Variants in ZFYVE9 observed in about 807,000 individuals in gnomAD.
ZFYVE9 encodes zinc finger FYVE-type containing 9, also known as zinc finger FYVE domain-containing protein 9.
In ZFYVE9, 43 loss-of-function variants were observed where a neutral mutation model predicts 126.7. The ratio of observed to expected loss-of-function variants is 0.34; its 90% CI spans 0.27 to 0.44. The LOEUF (loss-of-function observed/expected upper bound fraction) is 0.44, where lower values mean the gene tolerates loss of function less well. ZFYVE9 is among the 20% of genes least tolerant of loss of function. ZFYVE9 has a pLI of 1.00. For missense variants in ZFYVE9, 1,476 were observed against 1,697.0 expected, an observed-to-expected ratio of 0.87 and a Z score of 2.29; for synonymous variants, 521 against 597.4, an observed-to-expected ratio of 0.87 and a Z score of 1.87.
intron 3 of ZFYVE9, among the ~76,000 whole-genome samples, chr1:52,235,630 C>T: frequency 6.6e-6 from 1 of 152,146 alleles, no homozygotes; most frequent in East Asian, 1.9e-4. Flanking sequence ...CAACTTTTCA[C>T]TACTTCTTTA....
rs138314120 is a variant in ZFYVE9, at chr1:52,215,453, A to G, written c.-142-916A>G. ...CTTATTCTCTTATTTTTTATTAAGCATATCATTTTCACATCTGATAATAGA... is the reference window on the plus strand; with the variant it reads ...CTTATTCTCTTATTTTTTATTAAGCGTATCATTTTCACATCTGATAATAGA... On this transcript the variant is annotated intron_variant, in intron 1 of 18. Coordinates refer to ENST00000287727, the MANE Select transcript of ZFYVE9 (RefSeq NM_004799.4). Among the ~76,000 whole-genome samples the G allele has an allele frequency of 5.3e-5, 8 of 152,258 alleles. No homozygotes were observed. The East Asian group carries it at 1.2e-3, about 22-fold the overall frequency.
At chr1:52,202,236 T>C (rs1288432999) in intron 1 of ZFYVE9, among the ~76,000 whole-genome samples, 1 of 152,136 alleles carries the variant, frequency 6.6e-6, no homozygotes, top group Non-Finnish European at 1.5e-5. Context: ...GATAAATTAG[T>C]TGTAATTCTT....
chr1:52,200,077 T>C (rs1303900448), intron 1 of ZFYVE9, among the ~76,000 whole-genome samples: 2 of 151,930 alleles, frequency 1.3e-5, no homozygotes, highest in Non-Finnish European at 2.9e-5. Flanking sequence ...TTTTGGATAA[T>C]AGACCTTTAT....
chr1:52,252,811 C>A (rs1569590092), intron 4 of ZFYVE9: 1 of 355,768 alleles, frequency 2.8e-6, no homozygotes, highest in East Asian at 8.5e-5. Flanking sequence ...CATGGCTCAT[C>A]CCAGCCCAGA....
chr1:52,209,997 CAG>C (rs771313712), intron 1 of ZFYVE9, among the ~76,000 whole-genome samples: 20 of 152,158 alleles, frequency 1.3e-4, no homozygotes, highest in Non-Finnish European at 2.6e-4. Flanking sequence ...ATCTAGGCAA[CAG>C]AAAGATGGAG....
At chr1:52,335,260 T>C (rs530358859) in intron 15 of ZFYVE9, 1 of 154,160 alleles carries the variant, frequency 6.5e-6, no homozygotes, top group South Asian at 2.0e-4. Flanking sequence ...TTGCTACTCT[T>C]ATTTCATAAC....
chr1:52,343,461 AAG>A (rs1410293249), intron 17 of ZFYVE9, among the ~76,000 whole-genome samples: 4 of 151,574 alleles, frequency 2.6e-5, no homozygotes, highest in Non-Finnish European at 4.4e-5. Context: ...AAAAGAAAAA[AAG>A]AAGTCCTTTG....
At chr1:52,175,993 GCTCGTCAAAGTCATT>G (rs1370307925) in intron 1 of ZFYVE9, among the ~76,000 whole-genome samples, 1 of 152,158 alleles carries the variant, frequency 6.6e-6, no homozygotes, top group Admixed American at 6.6e-5. Context: ...TCTTCTCTCA[GCTCGTCAAAGTCATT>G]CTCCATCCAG....
chr1:52,338,966 T>C (rs1646412464), intron 16 of ZFYVE9, among the ~76,000 whole-genome samples: 1 of 152,096 alleles, frequency 6.6e-6, no homozygotes, highest in Admixed American at 6.6e-5. Context: ...GCCGAGATCA[T>C]GCCACTGCAT....
intron 2 of ZFYVE9, among the ~76,000 whole-genome samples, chr1:52,229,271 A>C (rs1645196537): frequency 6.6e-6 from 1 of 152,196 alleles, no homozygotes; most frequent in African/African-American, 2.4e-5. Context: ...TTTTGGCAAG[A>C]ATACTGTATA....
chr1:52,216,356 G>C lies in ZFYVE9; in HGVS notation c.-142-13G>C, dbSNP rs1266956643. 1 of 398,288 alleles carries C rather than the reference G, an allele frequency of 2.5e-6. No individual in the cohort carries two copies. The highest frequency in any genetic ancestry group is 2.1e-5 in the African/African-American group (1 of 48,606). 24.7% of individuals were successfully genotyped at this position (398,288 alleles called of 1,614,324 possible). ...TTTCAGCAAGTGTAATGAGCAATGT[G>C]TTTTTCCTTTAGGATCAAACAGAGC... On this transcript the variant is annotated splice_polypyrimidine_tract_variant and intron_variant, in intron 1 of 18. Coordinates refer to ENST00000287727, the MANE Select transcript of ZFYVE9 (RefSeq NM_004799.4).
rs142029864 is a variant in ZFYVE9 at position 52,158,743 on chromosome 1, G to C, written c.-143+16340G>C. Reference sequence around the variant, plus strand: ...CTTCACGCTTAGTTTTCAGTTGTTTGTTAGCTGCCCTTTCTAGGGAGCCTG... The same window carrying C: ...CTTCACGCTTAGTTTTCAGTTGTTTCTTAGCTGCCCTTTCTAGGGAGCCTG... On this transcript the variant is annotated intron_variant, in intron 1 of 18. Transcript: ENST00000287727. 3.4e-4 allele frequency among the ~76,000 whole-genome samples: 51 copies of C among 152,016 alleles called. No homozygotes were observed. In the East Asian group the frequency reaches 7.7e-3, roughly 23 times the overall value.
chr1:52,163,440 C>G (rs865986942), intron 1 of ZFYVE9, among the ~76,000 whole-genome samples: 1 of 152,166 alleles, frequency 6.6e-6, no homozygotes, highest in Non-Finnish European at 1.5e-5. Flanking sequence ...CAACAAAGGC[C>G]GCTCCACTCC....
chr1:52,262,751 T>C (rs527606833), intron 4 of ZFYVE9, among the ~76,000 whole-genome samples: 6 of 152,234 alleles, frequency 3.9e-5, no homozygotes, highest in South Asian at 2.1e-4. Context: ...TAAGGCTCTA[T>C]GTGGTAAATG....
At chr1:52,224,902 C>T (rs1281344364) in intron 2 of ZFYVE9, among the ~76,000 whole-genome samples, 1 of 152,118 alleles carries the variant, frequency 6.6e-6, no homozygotes, top group Non-Finnish European at 1.5e-5. Context: ...TTCTTGCACT[C>T]TTGTGAGCAC....
chr1:52,162,657 ACT>A (rs893737984), intron 1 of ZFYVE9: 1 of 275,802 alleles, frequency 3.6e-6, no homozygotes, highest in Admixed American at 3.9e-5. Flanking sequence ...AAGGCCAAAC[ACT>A]CTAAGGCAAG....
intron 12 of ZFYVE9, among the ~76,000 whole-genome samples, chr1:52,299,155 A>C (rs1490459175): frequency 6.6e-6 from 1 of 152,134 alleles, no homozygotes; most frequent in African/African-American, 2.4e-5. Flanking sequence ...TTTACCTCTT[A>C]ACTAAGTGTA....
intron 1 of ZFYVE9, among the ~76,000 whole-genome samples, chr1:52,183,858 CT>C (rs34718528): frequency 0.95 from 128,299 of 134,444 alleles, 61,193 homozygotes; most frequent in East Asian, 0.99. Flanking sequence ...TTCTATCTTT[CT>C]TTTTTTTTTT....
chr1:52,340,262 C>G (rs1472804452), intron 17 of ZFYVE9, 31 bp downstream of exon 17: 1 of 1,557,188 alleles, frequency 6.4e-7, no homozygotes, highest in East Asian at 2.2e-5. Context: ...ATACTTGACC[C>G]ACTTTGAGCA....
Sources: gnomAD v4.1 joint callset for allele counts (sites outside exome capture counted in the v4.1 genomes callset) on GRCh38, gnomAD v4.1.1 for gene constraint, MANE v1.5 for transcripts, NCBI Gene and HGNC (gene_info 2026-07-23, HGNC 2026-07-21) for gene names.